SYT1: variants seen among roughly 807,000 people sequenced by gnomAD.
SYT1 encodes synaptotagmin-1.
A neutral mutation model predicts 44.8 loss-of-function variants in SYT1; 8 were observed. That is an observed-to-expected ratio of 0.18 (90% CI 0.10 to 0.32). The LOEUF (loss-of-function observed/expected upper bound fraction) is 0.32. Among genes scored for constraint, SYT1 ranks in the 10% least tolerant of loss-of-function variants. The pLI, the probability that SYT1 is intolerant of heterozygous loss-of-function variation, is 1.00. For synonymous variants in SYT1, 154 were observed against 188.8 expected (o/e 0.82, Z 1.51); for missense variants, 286 against 509.3 (o/e 0.56, Z 4.22).
rs528040345 is a variant in SYT1, at chr12:78,916,280, G to A, written c.-217+51171G>A. On this transcript the variant is annotated intron_variant, in intron 1 of 10. Transcript: ENST00000261205. ...GTCTGAATAAATCACTAAGCCAAAC[G>A]TATGGTTTCTTGTTTAAAATATATT... is the stretch of plus-strand genomic sequence containing the variant. Among the ~76,000 whole-genome samples, 7 of 152,100 alleles carry A rather than the reference G, an allele frequency of 4.6e-5. No homozygotes were observed. In the East Asian group the frequency reaches 9.7e-4, roughly 21 times the overall value.
At chr12:79,239,434 T>A (rs1456098637) in intron 4 of SYT1, among the ~76,000 whole-genome samples, 3 of 152,066 alleles carry the variant, frequency 2.0e-5, no homozygotes, top group Non-Finnish European at 4.4e-5. Flanking sequence ...ACTCAGAAAA[T>A]CTGAATAAAG....
At chr12:79,241,961 C>T (rs762115055) in intron 4 of SYT1, among the ~76,000 whole-genome samples, 1 of 152,166 alleles carries the variant, frequency 6.6e-6, no homozygotes, top group East Asian at 1.9e-4. Flanking sequence ...TAGAGTGATA[C>T]ATCTATAAGC....
At chr12:78,948,432 C>A (rs1188909385) in intron 1 of SYT1, among the ~76,000 whole-genome samples, 4 of 151,760 alleles carry the variant, frequency 2.6e-5, no homozygotes, top group Admixed American at 2.0e-4. Flanking sequence ...GTTCATAACC[C>A]ATATTTTAAT....
At chr12:79,276,997 A>G (rs1878774202) in intron 4 of SYT1, among the ~76,000 whole-genome samples, 1 of 151,922 alleles carries the variant, frequency 6.6e-6, no homozygotes, top group South Asian at 2.1e-4. Context: ...AGGGAGAAGG[A>G]GGAGAAAAGG....
chr12:78,961,074 T>A (rs1203788020), intron 1 of SYT1, among the ~76,000 whole-genome samples: 1 of 152,168 alleles, frequency 6.6e-6, no homozygotes, highest in Non-Finnish European at 1.5e-5. Flanking sequence ...TGTTGCTGTT[T>A]CCTTAAGTTT....
At chr12:78,872,932 A>C (rs892895744) in intron 1 of SYT1, among the ~76,000 whole-genome samples, 10 of 151,708 alleles carry the variant, frequency 6.6e-5, no homozygotes, top group African/African-American at 2.4e-4. Context: ...TAATTTTTAA[A>C]CCGTAACTTT....
chr12:78,961,921 T>G (rs1879525355), intron 1 of SYT1, among the ~76,000 whole-genome samples: 2 of 152,140 alleles, frequency 1.3e-5, no homozygotes, highest in South Asian at 4.1e-4. Flanking sequence ...TAAGAACCAA[T>G]CAAAGATAAA....
intron 1 of SYT1, among the ~76,000 whole-genome samples, chr12:78,933,771 T>G (rs1357184096): frequency 6.6e-6 from 1 of 152,154 alleles, no homozygotes; most frequent in Non-Finnish European, 1.5e-5. Context: ...AGGCCAATTT[T>G]TTTAATAAAT....
At chr12:79,019,192 G>A (rs970812499) in intron 2 of SYT1, among the ~76,000 whole-genome samples, 3 of 151,952 alleles carry the variant, frequency 2.0e-5, no homozygotes, top group Admixed American at 6.6e-5. Flanking sequence ...TGGAGAGAGA[G>A]AAGTATTGTC....
chr12:78,963,704 A>G (rs955549310), intron 1 of SYT1, among the ~76,000 whole-genome samples: 4 of 152,240 alleles, frequency 2.6e-5, no homozygotes, highest in Non-Finnish European at 5.9e-5. Flanking sequence ...AGAAATTGAA[A>G]CCCTTATATG....
intron 3 of SYT1, among the ~76,000 whole-genome samples, chr12:79,135,971 C>T (rs1410777302): frequency 1.3e-5 from 2 of 152,184 alleles, no homozygotes; most frequent in African/African-American, 4.8e-5. Context: ...TCCAAGTCAA[C>T]TCAGTGCTCT....
chr12:79,334,091 T>C (rs1881980715), intron 8 of SYT1, among the ~76,000 whole-genome samples: 1 of 152,134 alleles, frequency 6.6e-6, no homozygotes, highest in South Asian at 2.1e-4. Context: ...AGTTACTGAG[T>C]ATACGCTATG....
At chr12:79,374,245 C>T (rs977476462) in intron 9 of SYT1, among the ~76,000 whole-genome samples, 1 of 151,936 alleles carries the variant, frequency 6.6e-6, no homozygotes, top group Non-Finnish European at 1.5e-5. Context: ...TTCTGGGGTG[C>T]CAGAAGTAAA....
chr12:79,221,811 C>T (rs1298358415), intron 4 of SYT1, among the ~76,000 whole-genome samples: 2 of 152,018 alleles, frequency 1.3e-5, no homozygotes, highest in Admixed American at 1.3e-4. Flanking sequence ...AGCCTTCATA[C>T]TGAATTTATA....
intron 1 of SYT1, among the ~76,000 whole-genome samples, chr12:78,879,034 A>T (rs1459370457): frequency 6.6e-6 from 1 of 151,678 alleles, no homozygotes; most frequent in East Asian, 1.9e-4. Flanking sequence ...CATTAGCCAG[A>T]CCCAGTCACG....
intron 5 of SYT1, among the ~76,000 whole-genome samples, chr12:79,288,432 A>G (rs534389272): frequency 6.6e-6 from 1 of 152,252 alleles, no homozygotes; most frequent in South Asian, 2.1e-4. Context: ...AGAAATATCT[A>G]TATATAGGCT....
At chr12:79,323,164 A>G (rs1482906504) in intron 8 of SYT1, among the ~76,000 whole-genome samples, 3 of 150,914 alleles carry the variant, frequency 2.0e-5, no homozygotes, top group Non-Finnish European at 4.4e-5. Context: ...TTTTTGTAAG[A>G]CCTATCACAG....
intron 3 of SYT1, among the ~76,000 whole-genome samples, chr12:79,126,391 G>A (rs1868440015): frequency 6.6e-6 from 1 of 152,208 alleles, no homozygotes; most frequent in South Asian, 2.1e-4. Context: ...CTCCAGAGTA[G>A]CTGGGATTGC....
intron 2 of SYT1, among the ~76,000 whole-genome samples, chr12:79,033,037 T>A (rs992421781): frequency 1.3e-5 from 2 of 151,330 alleles, no homozygotes; most frequent in Non-Finnish European, 3.0e-5. Context: ...TCCCAGGAAA[T>A]TTGCCTGTTC....
Sources: allele counts gnomAD v4.1 joint callset (sites outside exome capture counted in the v4.1 genomes callset), GRCh38; gene constraint gnomAD v4.1.1; transcripts MANE v1.5; gene names NCBI Gene and HGNC (gene_info 2026-07-23, HGNC 2026-07-21).